The following JPH3 variants were observed in gnomAD, a reference collection of about 807,000 sequenced individuals.
The protein encoded by JPH3 is junctophilin-3.
In JPH3, 11 loss-of-function variants were observed where a neutral mutation model predicts 59.6. The observed-to-expected ratio is 0.18, with a 90% CI of 0.12 to 0.31. The LOEUF (loss-of-function observed/expected upper bound fraction) is 0.31. JPH3 is among the 10% of genes least tolerant of loss of function. The pLI is 1.00. For synonymous variants in JPH3, 673 were observed against 483.6 expected (o/e 1.39, Z -5.14); for missense variants, 1,202 against 1,105.7 (o/e 1.09, Z -1.24).
intron 1 of JPH3, among the ~76,000 whole-genome samples, chr16:87,628,547 A>G (rs553429526): frequency 1.3e-5 from 2 of 152,348 alleles, no homozygotes; most frequent in African/African-American, 4.8e-5. Flanking sequence ...GGAAGCAGAC[A>G]TGCCTGTAGG....
rs543275147 is a variant in JPH3 at position 87,690,448 on chromosome 16, C to T, written c.2088C>T (p.Thr696=). ...AEPRLLRWDL[T]FSPPQKSLPV... ...CCCGGTTGCTGCGTTGGGACTTGAC[C>T]TTCTCCCCGCCCCAGAAATCCTTGC... is the stretch of plus-strand genomic sequence containing the variant. Residue 696 remains threonine, a synonymous_variant, in exon 4 of 5, where the codon ACC becomes ACT. Coordinates refer to ENST00000284262, the MANE Select transcript of JPH3 (RefSeq NM_020655.4). 2.0e-6 allele frequency: 3 copies of T among 1,486,820 alleles called. No homozygotes were observed. Among genetic ancestry groups the T allele is most frequent in the Non-Finnish European group, 2.7e-6 (3 of 1,120,444 alleles). 92.1% of individuals were successfully genotyped at this position (1,486,820 alleles called of 1,614,324 possible). A position where few individuals can be genotyped will look rare whatever the true frequency, so the allele number is the denominator to read the frequency against.
chr16:87,643,870 T>G (rs879008425), intron 1 of JPH3, among the ~76,000 whole-genome samples: 2 of 152,190 alleles, frequency 1.3e-5, no homozygotes, highest in African/African-American at 4.8e-5. Flanking sequence ...AGGAGTGGTG[T>G]GGCTCATGAC....
intron 2 of JPH3, among the ~76,000 whole-genome samples, chr16:87,671,905 C>A (rs1032683071): frequency 6.6e-6 from 1 of 152,242 alleles, no homozygotes; most frequent in South Asian, 2.1e-4. Flanking sequence ...GGAGATTGTT[C>A]ATGCAGCAGC....
chr16:87,641,839 C>T (rs1207496654), intron 1 of JPH3, among the ~76,000 whole-genome samples: 1 of 152,264 alleles, frequency 6.6e-6, no homozygotes, highest in Non-Finnish European at 1.5e-5. Flanking sequence ...ACACAAGTCC[C>T]TCTGGGGGCT....
At chr16:87,642,947 G>GT (rs1378450111) in intron 1 of JPH3, among the ~76,000 whole-genome samples, 4 of 152,170 alleles carry the variant, frequency 2.6e-5, no homozygotes, top group Non-Finnish European at 5.9e-5. Context: ...CAATTCAGTG[G>GT]TATTAATTAC....
intron 1 of JPH3, among the ~76,000 whole-genome samples, chr16:87,612,988 T>G (rs912862144): frequency 1.3e-5 from 2 of 150,974 alleles, no homozygotes; most frequent in African/African-American, 4.9e-5. Flanking sequence ...ATAGCGCCCC[T>G]GCAGTCCGGC....
intron 2 of JPH3, among the ~76,000 whole-genome samples, chr16:87,645,237 A>G (rs1050296793): frequency 3.9e-5 from 6 of 152,094 alleles, no homozygotes; most frequent in African/African-American, 1.4e-4. Context: ...ATTGGTGCAG[A>G]GGAATGGTTG....
In JPH3 at chr16:87,644,835, C is replaced by T. The variant is rs8051448; in HGVS notation, c.960C>T (p.Arg320=). The part of the protein sequence containing the change: ...KYEGEWASNR[R]HGYGCMTFPD... ...AGGGCGAGTGGGCCAGCAACCGGCG[C>T]CATGGCTACGGCTGCATGACCTTCC... The change falls in exon 2 of 5, where the codon CGC becomes CGT. Residue 320 remains arginine, a synonymous_variant. Coordinates refer to ENST00000284262, the MANE Select transcript of JPH3 (RefSeq NM_020655.4). 0.13 allele frequency: 217,221 copies of T among 1,613,292 alleles called. 15,544 individuals carry two copies. The highest frequency in any genetic ancestry group is 0.18 in the Middle Eastern group (1,117 of 6,062).
chr16:87,664,130 TAG>T (rs2032787676), intron 2 of JPH3, among the ~76,000 whole-genome samples: 13 of 150,782 alleles, frequency 8.6e-5, no homozygotes, highest in African/African-American at 3.2e-4. Context: ...AGCAGATTGA[TAG>T]CATCCTGGCT....
chr16:87,647,243 C>CA (rs1460081228), intron 2 of JPH3, among the ~76,000 whole-genome samples: 1 of 148,996 alleles, frequency 6.7e-6, no homozygotes, highest in East Asian at 2.1e-4. Flanking sequence ...ACCTGAGACC[C>CA]ATGCAAAGGA....
intron 2 of JPH3, among the ~76,000 whole-genome samples, chr16:87,650,796 C>T (rs932048152): frequency 2.6e-5 from 4 of 152,188 alleles, no homozygotes; most frequent in African/African-American, 7.2e-5. Flanking sequence ...GAGCTGGAAA[C>T]GAGCAGAGGC....
chr16:87,644,135 C>A, intron 1 of JPH3, 123 bp from the exon 2 acceptor site: 2 of 1,083,274 alleles, frequency 1.8e-6, no homozygotes, highest in Admixed American at 2.4e-5. Context: ...GAGAACCTGT[C>A]TCAAAAAACA....
At chr16:87,675,398 C>T (rs1400701148) in intron 2 of JPH3, among the ~76,000 whole-genome samples, 1 of 152,210 alleles carries the variant, frequency 6.6e-6, no homozygotes, top group Admixed American at 6.5e-5. Context: ...TCCAGCCTTC[C>T]TCTTGCTCCT....
intron 1 of JPH3, among the ~76,000 whole-genome samples, chr16:87,635,876 C>A (rs909973266): frequency 4.6e-5 from 7 of 152,316 alleles, no homozygotes; most frequent in Admixed American, 4.6e-4. Context: ...GCACCGACAT[C>A]CACTGCAGCC....
chr16:87,644,948 A>G lies in JPH3; in HGVS notation c.1073A>G (p.Lys358Arg). The change falls in exon 2 of 5, where the codon AAG (lysine) becomes AGG (arginine). Residue 358 changes from lysine to arginine, a missense_variant. Coordinates refer to ENST00000284262, the MANE Select transcript of JPH3 (RefSeq NM_020655.4). ...AACCTCATCCCCCTGCGGGCCAGCA[A>G]GATCCGCGAGAAGGTGGACCGCGCC... ...RKNLIPLRAS[K>R]IREKVDRAVE... is the part of the protein sequence containing the mutation. The G allele has an allele frequency of 1.2e-6, 2 of 1,612,010 alleles. No individual in the cohort carries two copies. The highest frequency in any genetic ancestry group is 1.7e-6 in the Non-Finnish European group (2 of 1,179,908).
Position 87,603,493 on chromosome 16 carries a change from A to T in JPH3, c.347A>T (p.Gln116Leu), listed in dbSNP as rs955896151. Residue 116 changes from glutamine (Q) to leucine (L), a missense_variant, in exon 1 of 5, where the codon CAG becomes CTG. Gln to Leu is a moderately radical substitution (Grantham distance 113). Transcript: ENST00000284262. ...KYEGTWSNGL[Q>L]DGYGTETYSD... ...GAAGGGACCTGGAGCAACGGGCTGC[A>T]GGACGGCTACGGGACCGAGACCTAC... The T allele has an allele frequency of 1.3e-6, 2 of 1,552,914 alleles. No individual in the cohort carries two copies. The highest frequency in any genetic ancestry group is 1.4e-5 in the African/African-American group (1 of 73,058).
chr16:87,673,551 CTG>C (rs1042045751), intron 2 of JPH3, among the ~76,000 whole-genome samples: 17 of 152,158 alleles, frequency 1.1e-4, no homozygotes, highest in African/African-American at 3.1e-4. Context: ...TGTTATTAGA[CTG>C]TGAATTCTAA....
At chr16:87,637,223 C>A (rs940635360) in intron 1 of JPH3, among the ~76,000 whole-genome samples, 1 of 152,226 alleles carries the variant, frequency 6.6e-6, no homozygotes, top group Non-Finnish European at 1.5e-5. Context: ...TCACATTTTA[C>A]AATATGCAAT....
rs1377376717 is a variant in JPH3 at position 87,697,552 on chromosome 16, A to C, written c.*892A>C. Reference sequence around the variant, plus strand: ...TGGACGCGTGGGGTTCCGTGTCCCCAGCAGTGAGGGCCCTAGAGGACGCCT... The same window carrying C: ...TGGACGCGTGGGGTTCCGTGTCCCCCGCAGTGAGGGCCCTAGAGGACGCCT... On this transcript the variant is annotated 3_prime_UTR_variant, in exon 5 of 5. Transcript: ENST00000284262. 4 of 152,472 alleles carry C rather than the reference A, an allele frequency of 2.6e-5. No individual in the cohort carries two copies. Among genetic ancestry groups the C allele is most frequent in the Non-Finnish European group, 5.9e-5 (4 of 68,244 alleles). 9.4% of individuals were successfully genotyped at this position (152,472 alleles called of 1,614,324 possible).
Sources: allele counts gnomAD v4.1 joint callset (sites outside exome capture counted in the v4.1 genomes callset), GRCh38; gene constraint gnomAD v4.1.1; transcripts MANE v1.5; gene names NCBI Gene and HGNC (gene_info 2026-07-23, HGNC 2026-07-21).